METTL24: variants seen among roughly 807,000 people sequenced by gnomAD.
METTL24 encodes the protein probable methyltransferase-like protein 24.
A neutral mutation model predicts 32.7 loss-of-function variants in METTL24; 29 were observed. The observed-to-expected ratio is 0.89, with a 90% CI of 0.66 to 1.21. The LOEUF is 1.21. Ranked by LOEUF, METTL24 falls within the 50% of genes most tolerant of loss-of-function variation. The pLI, the probability that METTL24 is intolerant of heterozygous loss-of-function variation, is 0.00. For synonymous variants in METTL24, 163 were observed against 179.5 expected (o/e 0.91, Z 0.73); for missense variants, 439 against 468.1 (o/e 0.94, Z 0.57).
chr6:110,324,367 T>A (rs1771983144), intron 1 of METTL24, among the ~76,000 whole-genome samples: 1 of 152,212 alleles, frequency 6.6e-6, no homozygotes, highest in East Asian at 1.9e-4. Context: ...AGACTGCCTC[T>A]TTTTTCAGGA....
intron 2 of METTL24, among the ~76,000 whole-genome samples, chr6:110,317,315 T>C (rs1771837989): frequency 6.6e-6 from 1 of 152,240 alleles, no homozygotes; most frequent in South Asian, 2.1e-4. Context: ...ATAATTCATC[T>C]CCTACTATTC....
intron 4 of METTL24, among the ~76,000 whole-genome samples, chr6:110,278,517 C>A (rs1282182283): frequency 1.3e-5 from 2 of 152,116 alleles, no homozygotes; most frequent in Non-Finnish European, 2.9e-5. Flanking sequence ...AATATGTATT[C>A]TTTAGTAGAA....
At chr6:110,327,653 T>C (rs1772039077) in intron 1 of METTL24, among the ~76,000 whole-genome samples, 1 of 152,202 alleles carries the variant, frequency 6.6e-6, no homozygotes, top group South Asian at 2.1e-4. Context: ...CCGCTAGCTT[T>C]TATCATCTCT....
At chr6:110,334,117 G>A (rs1046215613) in intron 1 of METTL24, among the ~76,000 whole-genome samples, 1 of 151,306 alleles carries the variant, frequency 6.6e-6, no homozygotes, top group Non-Finnish European at 1.5e-5. Flanking sequence ...GGAAAGGGGG[G>A]TCTTCCCGCA....
chr6:110,339,813 C>G, intron 1 of METTL24, among the ~76,000 whole-genome samples: 1 of 152,214 alleles, frequency 6.6e-6, no homozygotes, highest in Non-Finnish European at 1.5e-5. Flanking sequence ...CTCAACTTGT[C>G]AATTAAACGA....
chr6:110,295,862 A>T (rs1317800764), intron 4 of METTL24, among the ~76,000 whole-genome samples: 1 of 139,786 alleles, frequency 7.2e-6, no homozygotes, highest in Non-Finnish European at 1.5e-5. Flanking sequence ...AAATGTACTA[A>T]AATTGTTAAT....
chr6:110,274,802 CTTTTTTTTTT>C (rs1196371607), intron 4 of METTL24, among the ~76,000 whole-genome samples: 1 of 90,130 alleles, frequency 1.1e-5, no homozygotes, highest in Non-Finnish European at 2.3e-5. Flanking sequence ...TTCGTTCTTT[CTTTTTTTTTT>C]TTTTTTTTGA....
At chr6:110,278,364 G>C (rs1339591998) in intron 4 of METTL24, among the ~76,000 whole-genome samples, 1 of 152,192 alleles carries the variant, frequency 6.6e-6, no homozygotes, top group East Asian at 1.9e-4. Flanking sequence ...CTTTGGAACA[G>C]CTTGCATTAA....
chr6:110,297,179 A>G (rs936222164), intron 4 of METTL24, among the ~76,000 whole-genome samples: 1 of 152,252 alleles, frequency 6.6e-6, no homozygotes, highest in Non-Finnish European at 1.5e-5. Context: ...TCTCCTTTCT[A>G]GGCATCATTG....
At position 110,322,865 on chromosome 6, in the gene METTL24, C is replaced by T. The variant is rs545654177; in HGVS notation, c.326G>A (p.Arg109Gln). The T allele has an allele frequency of 1.7e-5, 28 of 1,612,238 alleles. No individual in the cohort carries two copies. The South Asian group carries it at 1.8e-4, about 10-fold the overall frequency. Residue 109 changes from arginine to glutamine, a missense_variant, in exon 2 of 5, where the codon CGG becomes CAG. Coordinates refer to ENST00000338882, the MANE Select transcript of METTL24 (RefSeq NM_001123364.3). ...PRGRPRRKGP[R>Q]WHIDLQPWAG... ...CCAAGGCTGGAGATCTATATGCCAC[C>T]GGGGACCCTGCAAGAGACAGAAAAC...
chr6:110,292,697 T>A (rs1364827381), intron 4 of METTL24, among the ~76,000 whole-genome samples: 1 of 152,062 alleles, frequency 6.6e-6, no homozygotes, highest in Non-Finnish European at 1.5e-5. Context: ...TTTTGTGACT[T>A]CCTAACTCCA....
At chr6:110,281,378 C>T (rs1303649032) in intron 4 of METTL24, among the ~76,000 whole-genome samples, 1 of 152,072 alleles carries the variant, frequency 6.6e-6, no homozygotes, top group East Asian at 1.9e-4. Flanking sequence ...TTGAGTGGCT[C>T]ACACCTGTAA....
chr6:110,266,028 G>C (rs560324604), intron 4 of METTL24, among the ~76,000 whole-genome samples: 146 of 152,082 alleles, frequency 9.6e-4, no homozygotes, highest in Non-Finnish European at 1.9e-4. Flanking sequence ...AGCCTCCAGA[G>C]TAGCTGGGAC....
chr6:110,247,215 A>C (rs1778183573), intron 4 of METTL24, among the ~76,000 whole-genome samples: 1 of 152,164 alleles, frequency 6.6e-6, no homozygotes, highest in Non-Finnish European at 1.5e-5. Flanking sequence ...ATATCCATTT[A>C]ATCCTCTCAA....
At position 110,344,717 on chromosome 6, in the gene METTL24, T is replaced by G. The variant is rs1772434726; in HGVS notation, c.318+13238A>C. Among the ~76,000 whole-genome samples the G allele has an allele frequency of 2.0e-5, 3 of 152,200 alleles. 1 individual carries two copies. The highest frequency in any genetic ancestry group is 7.2e-5 in the African/African-American group (3 of 41,460). Reference sequence around the variant, plus strand: ...TATTCAATAAATGTTGTGGCATAACTGGCTAGCCATATACAGAAGACTGAA... The same window carrying G: ...TATTCAATAAATGTTGTGGCATAACGGGCTAGCCATATACAGAAGACTGAA... On this transcript the variant is annotated intron_variant, in intron 1 of 4. Transcript: ENST00000338882.
At position 110,358,062 on chromosome 6, in the gene METTL24, T is replaced by A; in HGVS notation, c.211A>T (p.Arg71Trp). ...CCGCTGCGCACGTAGGTCACCTGCCTCCTGCTGGCGCCGCGCGGCTGGCCC... is the reference window on the plus strand; with the variant it reads ...CCGCTGCGCACGTAGGTCACCTGCCACCTGCTGGCGCCGCGCGGCTGGCCC... The part of the protein sequence containing the change: ...APGQPRGASR[R>W]QVTYVRSGRR... The change falls in exon 1 of 5, where the codon AGG becomes TGG. Residue 71 changes from arginine to tryptophan, a missense_variant. Arg to Trp is a moderately radical substitution (Grantham distance 101). Coordinates refer to ENST00000338882, the MANE Select transcript of METTL24 (RefSeq NM_001123364.3). 1 of 1,043,406 alleles carries A rather than the reference T, an allele frequency of 9.6e-7. No individual in the cohort carries two copies. Among genetic ancestry groups the A allele is most frequent in the Admixed American group, 5.7e-5 (1 of 17,656 alleles). 64.6% of individuals were successfully genotyped at this position (1,043,406 alleles called of 1,614,324 possible).
At chr6:110,337,231 T>C (rs1375318738) in intron 1 of METTL24, among the ~76,000 whole-genome samples, 4 of 152,112 alleles carry the variant, frequency 2.6e-5, no homozygotes, top group African/African-American at 9.7e-5. Context: ...TGAGAACTCA[T>C]AGGCACAAAG....
intron 3 of METTL24, among the ~76,000 whole-genome samples, chr6:110,305,024 T>C (rs1199170508): frequency 2.0e-5 from 3 of 151,994 alleles, no homozygotes; most frequent in Non-Finnish European, 4.4e-5. Context: ...TTAAAGAAAA[T>C]AATTTTAACC....
intron 3 of METTL24, among the ~76,000 whole-genome samples, chr6:110,299,445 A>G (rs1771482467): frequency 6.6e-6 from 1 of 152,150 alleles, no homozygotes; most frequent in African/African-American, 2.4e-5. Flanking sequence ...TCACAGTAGC[A>G]ATGAAACAAA....
Sources: allele counts gnomAD v4.1 joint callset (sites outside exome capture counted in the v4.1 genomes callset), GRCh38; gene constraint gnomAD v4.1.1; transcripts MANE v1.5; gene names NCBI Gene and HGNC (gene_info 2026-07-23, HGNC 2026-07-21).